Variants in ME1 observed in about 807,000 individuals in gnomAD.
ME1 encodes malic enzyme 1.
A neutral mutation model predicts 66.4 loss-of-function variants in ME1; 74 were observed. That is an observed-to-expected ratio of 1.11 (90% confidence interval 0.92 to 1.35). The LOEUF (loss-of-function observed/expected upper bound fraction) is 1.35. ME1 is among the 40% of genes most tolerant of loss of function. The probability of loss-of-function intolerance (pLI) is 0.00; values close to 1 mark genes in which losing one functional copy is unlikely to be tolerated. For synonymous variants in ME1, 251 were observed against 235.6 expected, an observed-to-expected ratio of 1.07 and a Z score of -0.60; for missense variants, 750 against 694.1, an observed-to-expected ratio of 1.08 and a Z score of -0.90.
intron 7 of ME1, among the ~76,000 whole-genome samples, chr6:83,251,768 G>A (rs1308419975): frequency 1.3e-5 from 2 of 152,040 alleles, no homozygotes; most frequent in Admixed American, 1.3e-4. Context: ...AGTGACGAGA[G>A]AAACATGCAT....
chr6:83,274,276 T>C (rs950968295), intron 6 of ME1, among the ~76,000 whole-genome samples: 17 of 152,140 alleles, frequency 1.1e-4, no homozygotes, highest in Non-Finnish European at 1.6e-4. Context: ...AAAGAACATG[T>C]TTGATAAAAA....
chr6:83,388,377 C>T (rs1230282766), intron 3 of ME1, among the ~76,000 whole-genome samples: 1 of 152,184 alleles, frequency 6.6e-6, no homozygotes, highest in African/African-American at 2.4e-5. Flanking sequence ...TGCACCACCA[C>T]ATCTGGCCCC....
chr6:83,389,170 A>G (rs769105272), intron 3 of ME1, among the ~76,000 whole-genome samples: 12 of 152,118 alleles, frequency 7.9e-5, no homozygotes, highest in Non-Finnish European at 1.6e-4. Context: ...CTGATTCCTT[A>G]GTGTGTCCAA....
intron 3 of ME1, among the ~76,000 whole-genome samples, chr6:83,394,308 G>C (rs1187132751): frequency 6.6e-6 from 1 of 151,940 alleles, no homozygotes; most frequent in Non-Finnish European, 1.5e-5. Flanking sequence ...AAGATAATCC[G>C]AATGTTTCTA....
chr6:83,389,438 C>A (rs1224174974), intron 3 of ME1, among the ~76,000 whole-genome samples: 1 of 151,848 alleles, frequency 6.6e-6, no homozygotes, highest in Non-Finnish European at 1.5e-5. Flanking sequence ...ATTTTACTTA[C>A]AATATAGTTG....
chr6:83,322,649 G>C (rs1403123779), intron 5 of ME1, among the ~76,000 whole-genome samples: 1 of 152,130 alleles, frequency 6.6e-6, no homozygotes, highest in Admixed American at 6.6e-5. Flanking sequence ...AGAAATATGG[G>C]ACTATGTGAA....
At chr6:83,382,200 T>C (rs1384401776) in intron 3 of ME1, among the ~76,000 whole-genome samples, 1 of 152,126 alleles carries the variant, frequency 6.6e-6, no homozygotes, top group Non-Finnish European at 1.5e-5. Context: ...ACAGTACTCA[T>C]GTATTTCTTT....
chr6:83,235,660 G>C (rs1349949207), intron 9 of ME1, among the ~76,000 whole-genome samples: 1 of 151,894 alleles, frequency 6.6e-6, no homozygotes, highest in East Asian at 1.9e-4. Context: ...TTTTAGTAGA[G>C]ACGGGGTTTC....
chr6:83,325,001 C>CA (rs1255268526), intron 5 of ME1, among the ~76,000 whole-genome samples: 2 of 132,658 alleles, frequency 1.5e-5, no homozygotes, highest in African/African-American at 5.5e-5. Context: ...AGCAGCACAT[C>CA]AAAACTTATC....
chr6:83,347,510 T>C (rs1768711583), intron 4 of ME1, among the ~76,000 whole-genome samples: 1 of 152,216 alleles, frequency 6.6e-6, no homozygotes, highest in Non-Finnish European at 1.5e-5. Context: ...TTCTGTTTCT[T>C]ATTGGTAAAT....
At position 83,230,707 on chromosome 6, in the gene ME1, G is replaced by A. The variant is rs561757018; in HGVS notation, c.1027-1776C>T. On this transcript the variant is annotated intron_variant, in intron 9 of 13. Coordinates refer to ENST00000369705, the MANE Select transcript of ME1 (RefSeq NM_002395.6). Reference sequence around the variant, plus strand: ...AGCACTTTGGGAGGCTGAGGCGGGCGGATCACGAGGTCAGGAGATCGAGAC... The same window carrying A: ...AGCACTTTGGGAGGCTGAGGCGGGCAGATCACGAGGTCAGGAGATCGAGAC... 7.9e-5 allele frequency among the ~76,000 whole-genome samples: 12 copies of A among 152,212 alleles called. No homozygotes were observed. The East Asian group carries it at 1.4e-3, about 17-fold the overall frequency.
intron 3 of ME1, among the ~76,000 whole-genome samples, chr6:83,369,288 T>C (rs1769151772): frequency 6.6e-6 from 1 of 152,126 alleles, no homozygotes; most frequent in Non-Finnish European, 1.5e-5. Flanking sequence ...CTGAACTTAC[T>C]GTAGGCACTC....
At chr6:83,280,729 T>G (rs1767272430) in intron 6 of ME1, among the ~76,000 whole-genome samples, 2 of 150,796 alleles carry the variant, frequency 1.3e-5, no homozygotes, top group African/African-American at 4.8e-5. Context: ...GCTAAACAGG[T>G]GGAAATGTGT....
At chr6:83,212,605 C>G (rs117504554) in intron 13 of ME1, among the ~76,000 whole-genome samples, 3,997 of 152,282 alleles carry the variant, frequency 0.026, 80 homozygotes, top group Admixed American at 0.055. Context: ...TCATCACGCC[C>G]TGTGTTTCAT....
At chr6:83,301,201 A>T (rs1363772362) in intron 6 of ME1, among the ~76,000 whole-genome samples, 2 of 152,090 alleles carry the variant, frequency 1.3e-5, no homozygotes, top group Admixed American at 1.3e-4. Context: ...ATAATAATAA[A>T]AAAAAAGTAG....
intron 1 of ME1, among the ~76,000 whole-genome samples, chr6:83,427,264 TAGTA>T (rs992330210): frequency 6.6e-6 from 1 of 152,158 alleles, no homozygotes; most frequent in African/African-American, 2.4e-5. Flanking sequence ...TACAAACAAA[TAGTA>T]AGGCTTAGAC....
At chr6:83,226,665 G>A (rs187512318) in intron 11 of ME1, among the ~76,000 whole-genome samples, 17 of 151,950 alleles carry the variant, frequency 1.1e-4, no homozygotes, top group South Asian at 4.1e-4. Flanking sequence ...GTGACATAGC[G>A]TTCATGTTTA....
intron 3 of ME1, among the ~76,000 whole-genome samples, chr6:83,398,032 T>C (rs1035362768): frequency 8.5e-5 from 13 of 152,054 alleles, no homozygotes; most frequent in Non-Finnish European, 1.6e-4. Context: ...GGATACAAAA[T>C]TTCAGTTAAA....
intron 6 of ME1, among the ~76,000 whole-genome samples, chr6:83,305,080 G>A (rs970887076): frequency 6.6e-6 from 1 of 152,066 alleles, no homozygotes; most frequent in Non-Finnish European, 1.5e-5. Flanking sequence ...AATAAGACAT[G>A]TTTAAATGAA....
Sources: allele counts gnomAD v4.1 joint callset (sites outside exome capture counted in the v4.1 genomes callset), GRCh38; gene constraint gnomAD v4.1.1; transcripts MANE v1.5; gene names NCBI Gene and HGNC (gene_info 2026-07-23, HGNC 2026-07-21).